Variants in PIEZO1 observed in about 807,000 individuals in gnomAD.
PIEZO1 encodes the protein piezo type mechanosensitive ion channel component 1 (Er blood group).
Under a neutral mutation model 297.2 loss-of-function variants are expected in PIEZO1, and 296 were observed. The observed-to-expected ratio is 1.00, with a 90% CI of 0.91 to 1.10. PIEZO1 has a LOEUF of 1.10. Among genes scored for constraint, PIEZO1 ranks in the 50% least tolerant of loss-of-function variants. The pLI, the probability that PIEZO1 is intolerant of heterozygous loss-of-function variation, is 0.00. For synonymous variants in PIEZO1, 2,427 were observed against 1,507.5 expected, an observed-to-expected ratio of 1.61 and a Z score of -14.13; for missense variants, 5,018 against 3,455.5, an observed-to-expected ratio of 1.45 and a Z score of -11.34.
Position 88,720,741 on chromosome 16 carries a change from C to T in PIEZO1, c.5676G>A (p.Glu1892=), listed in dbSNP as rs570660983. The change falls in exon 40 of 51, where the codon GAG becomes GAA. Residue 1892 remains glutamate, a synonymous_variant. Transcript: ENST00000301015. ...ARKGAAAIEA[E]DREEEEGEEE... is the part of the protein sequence containing the mutation. ...CCTCCCCCTCTTCTTCCTCCCTGTC[C>T]TCAGCTTCTGTAGGGAAAAGCTGAC... The T allele has an allele frequency of 3.2e-5, 48 of 1,502,558 alleles. No individual in the cohort carries two copies. In the East Asian group the frequency reaches 1.1e-3, roughly 33 times the overall value. 93.1% of individuals were successfully genotyped at this position (1,502,558 alleles called of 1,614,324 possible).
At chr16:88,738,825 G>C in intron 5 of PIEZO1, 89 bp from the exon 6 acceptor site, 2 of 1,217,906 alleles carry the variant, frequency 1.6e-6, no homozygotes, top group Non-Finnish European at 2.3e-6. Flanking sequence ...GAGCGTGGGA[G>C]GCGGCCACAT....
At chr16:88,781,954 A>G (rs1907957220) in intron 1 of PIEZO1, among the ~76,000 whole-genome samples, 1 of 152,224 alleles carries the variant, frequency 6.6e-6, no homozygotes, top group Non-Finnish European at 1.5e-5. Context: ...GGCACCCTGA[A>G]AAGCAGAAGC....
rs2879898 is a variant in PIEZO1, at chr16:88,744,571, C to A, written c.161-2149G>T. On this transcript the variant is annotated intron_variant, in intron 2 of 50. Transcript: ENST00000301015. ...TCAGGCCACCTGGCTCCCGCCCACC[C>A]GCCTTGCCCTGCACGACAGTCCAGG... Among the ~76,000 whole-genome samples the A allele has an allele frequency of 2.0e-5, 3 of 150,406 alleles. No homozygotes were observed. The South Asian group carries it at 6.4e-4, about 32-fold the overall frequency.
chr16:88,725,555 G>C lies in PIEZO1; in HGVS notation c.4059-36C>G, dbSNP rs144618730. 186 of 1,531,190 alleles carry C rather than the reference G, an allele frequency of 1.2e-4. 1 individual carries two copies. Among genetic ancestry groups the C allele is most frequent in the African/African-American group, 5.9e-4 (43 of 72,652 alleles). The allele number at this position is 1,531,190 out of a possible 1,614,324, so 94.9% of individuals were successfully genotyped here. ...GAAAGGTGGGGTATGCTGAGCATTG[G>C]GGGGAGGAGCCGGGGAGTCCCCGCC... On this transcript the variant is annotated intron_variant, in intron 28 of 50. Transcript: ENST00000301015.
At chr16:88,737,683 C>T (rs1462119070) in intron 9 of PIEZO1, 37 bp from the exon 10 acceptor site, 2 of 1,533,218 alleles carry the variant, frequency 1.3e-6, no homozygotes, top group Non-Finnish European at 1.7e-6. Flanking sequence ...CACGGGCTGG[C>T]CGGGCGCCCC....
At chr16:88,749,032 T>C (rs1229462649) in intron 2 of PIEZO1, among the ~76,000 whole-genome samples, 5 of 146,826 alleles carry the variant, frequency 3.4e-5, no homozygotes, top group South Asian at 2.2e-4. Flanking sequence ...GGTCAGGAGA[T>C]CGAGACCATC....
rs1905387843 is a variant in PIEZO1 at position 88,738,269 on chromosome 16, G to A, written c.806C>T (p.Pro269Leu). The change falls in exon 7 of 51, where the codon CCC (proline) becomes CTC (leucine). Residue 269 changes from proline to leucine, a missense_variant. Transcript: ENST00000301015. Reference protein sequence around the residue: ...HLICLYCYQMPLAQALLPPAG... With the variant: ...HLICLYCYQMLLAQALLPPAG... ...AGGCGGGAGCAGAGCCTGTGCCAAG[G>A]GCATCTGGTAGCAGTAGAGGCAGAT... is the stretch of plus-strand genomic sequence containing the variant. 6 of 1,535,780 alleles carry A rather than the reference G, an allele frequency of 3.9e-6. No individual in the cohort carries two copies. Among genetic ancestry groups the A allele is most frequent in the African/African-American group, 2.7e-5 (2 of 73,068 alleles).
chr16:88,733,183 C>T, intron 19 of PIEZO1, 95 bp downstream of exon 19: 2 of 1,163,392 alleles, frequency 1.7e-6, no homozygotes, highest in Non-Finnish European at 2.4e-6. Flanking sequence ...CCATTGCTGG[C>T]CCCACTGCAC....
chr16:88,735,121 G>A lies in PIEZO1; in HGVS notation c.1669+14C>T. The A allele has an allele frequency of 6.5e-7, 1 of 1,549,470 alleles. No individual in the cohort carries two copies. Among genetic ancestry groups the A allele is most frequent in the South Asian group, 1.2e-5 (1 of 84,056 alleles). ...AGGCAGGAGGGCAACCCCCGCCTCTGGCCCACCACTCACCTGTGTCTGCCA... is the reference window on the plus strand; with the variant it reads ...AGGCAGGAGGGCAACCCCCGCCTCTAGCCCACCACTCACCTGTGTCTGCCA... On this transcript the variant is annotated intron_variant, in intron 13 of 50. Transcript: ENST00000301015.
intron 1 of PIEZO1, among the ~76,000 whole-genome samples, chr16:88,755,686 C>G (rs1464801991): frequency 1.3e-5 from 2 of 152,090 alleles, no homozygotes; most frequent in Non-Finnish European, 2.9e-5. Flanking sequence ...CGCCTTTTCA[C>G]CGAACGGTGG....
rs558499797 is a variant in PIEZO1 at position 88,717,049 on chromosome 16, C to T, written c.6634G>A (p.Val2212Ile). 40 of 1,550,716 alleles carry T rather than the reference C, an allele frequency of 2.6e-5. No individual in the cohort carries two copies. Among genetic ancestry groups the T allele is most frequent in the East Asian group, 1.5e-4 (6 of 40,932 alleles). ...TCATAGCCGCCCAGCTTCAGGGTGA[C>T]GGTGACATCGATGGGCTGGTTGACA... ...GVVNQPIDVT[V>I]TLKLGGYEPL... The change falls in exon 45 of 51, where the codon GTC (valine) becomes ATC (isoleucine). Residue 2212 changes from valine (V) to isoleucine (I), a missense_variant. Val to Ile is a conservative substitution (Grantham distance 29, BLOSUM62 3). Coordinates refer to ENST00000301015, the MANE Select transcript of PIEZO1 (RefSeq NM_001142864.4).
chr16:88,769,725 TG>T (rs890107983), intron 1 of PIEZO1, among the ~76,000 whole-genome samples: 9 of 127,534 alleles, frequency 7.1e-5, no homozygotes, highest in Non-Finnish European at 1.1e-4. Flanking sequence ...GAGCCAGGTC[TG>T]GGGCTGAGGC....
Position 88,785,147 on chromosome 16 carries a change from G to A in PIEZO1, c.-183C>T, listed in dbSNP as rs1567493614. The A allele has an allele frequency of 3.2e-6, 1 of 315,088 alleles. No individual in the cohort carries two copies. The highest frequency in any genetic ancestry group is 5.5e-6 in the Non-Finnish European group (1 of 181,368). The allele number at this position is 315,088 out of a possible 1,614,324, so 19.5% of individuals were successfully genotyped here. On this transcript the variant is annotated 5_prime_UTR_variant, in exon 1 of 51. Transcript: ENST00000301015. ...GACGTCCCGGGCCCGCGCTCGCTCAGGCGACCGCCCTGCCCCTCGGCGGAG... is the reference window on the plus strand; with the variant it reads ...GACGTCCCGGGCCCGCGCTCGCTCAAGCGACCGCCCTGCCCCTCGGCGGAG...
rs749842564 is a variant in PIEZO1, at chr16:88,720,468, C to T, written c.5866G>A (p.Ala1956Thr). Reference protein sequence around the residue: ...FHDILHTKYRAATDVYALMFL... With the variant: ...FHDILHTKYRTATDVYALMFL... ...ATGAGGGCATAGACGTCGGTGGCTG[C>T]GCGGTACTTGGTGTGCAGGATGTCG... is the stretch of plus-strand genomic sequence containing the variant. Residue 1956 changes from alanine (A) to threonine (T), a missense_variant, in exon 41 of 51, where the codon GCA becomes ACA. By Grantham distance (58) the Ala-to-Thr change is moderately conservative (BLOSUM62 0). Transcript: ENST00000301015. 20 of 1,550,292 alleles carry T rather than the reference C, an allele frequency of 1.3e-5. No homozygotes were observed. Among genetic ancestry groups the T allele is most frequent in the East Asian group, 4.9e-5 (2 of 40,930 alleles).
At chr16:88,775,085 A>G (rs1400801572) in intron 1 of PIEZO1, among the ~76,000 whole-genome samples, 2 of 152,138 alleles carry the variant, frequency 1.3e-5, no homozygotes, top group East Asian at 1.9e-4. Context: ...TCCCGGCCGT[A>G]CCCGTGACAC....
chr16:88,720,556 G>A, intron 40 of PIEZO1, 24 bp from the exon 41 acceptor site: 3 of 1,547,974 alleles, frequency 1.9e-6, no homozygotes. Context: ...CGCTCAGCCT[G>A]GGCCCAGTAC....
chr16:88,749,054 G>C (rs146333969), intron 2 of PIEZO1, among the ~76,000 whole-genome samples: 19 of 151,378 alleles, frequency 1.3e-4, no homozygotes, highest in East Asian at 5.8e-4. Flanking sequence ...TGGCTATCAC[G>C]GTGAAACCCC....
In PIEZO1 at chr16:88,726,303, T is replaced by G. The variant is rs770144436; in HGVS notation, c.3949A>C (p.Thr1317Pro). The G allele has an allele frequency of 1.3e-6, 2 of 1,549,516 alleles. No homozygotes were observed. Among genetic ancestry groups the G allele is most frequent in the South Asian group, 2.4e-5 (2 of 84,000 alleles). Residue 1317 changes from threonine (T) to proline (P), a missense_variant, in exon 27 of 51, where the codon ACC (threonine) becomes CCC (proline). Thr to Pro is a conservative substitution (Grantham distance 38). Transcript: ENST00000301015. ...GCTTGCCTGGAGGCTAGCAGGGCGGTGGCCTGGAGGTCGGCCCTGACGTGC... is the reference window on the plus strand; with the variant it reads ...GCTTGCCTGGAGGCTAGCAGGGCGGGGGCCTGGAGGTCGGCCCTGACGTGC... ...YLHVRADLQA[T>P]ALLASRGFAL...
chr16:88,715,598 G>A lies in PIEZO1; in HGVS notation c.*7C>T. On this transcript the variant is annotated 3_prime_UTR_variant, in exon 51 of 51. Transcript: ENST00000301015. ...GCTCCTTCCCTCTCGGGCGCCAGCA[G>A]CAGCTCCTACTCCTTCTCACGAGTC... 6.5e-7 allele frequency: 1 copy of A among 1,548,122 alleles called. No homozygotes were observed. The highest frequency in any genetic ancestry group is 8.7e-7 in the Non-Finnish European group (1 of 1,145,848).
Sources: allele counts gnomAD v4.1 joint callset (sites outside exome capture counted in the v4.1 genomes callset), GRCh38; gene constraint gnomAD v4.1.1; transcripts MANE v1.5; gene names NCBI Gene and HGNC (gene_info 2026-07-23, HGNC 2026-07-21).